Variants in TGFBR3 observed in about 807,000 individuals in gnomAD.
TGFBR3 encodes transforming growth factor beta receptor type 3.
TGFBR3 carries 46 observed loss-of-function variants against 87.9 expected under a neutral mutation model. The observed-to-expected ratio is 0.52, with a 90% CI of 0.41 to 0.67. The LOEUF is 0.67. TGFBR3 is among the 30% of genes least tolerant of loss of function. TGFBR3 has a pLI of 0.00. For missense variants in TGFBR3, 866 were observed against 1,041.9 expected (o/e 0.83, Z 2.32); for synonymous variants, 381 against 391.6 (o/e 0.97, Z 0.32).
At chr1:91,719,081 C>T (rs190120424) in intron 10 of TGFBR3, among the ~76,000 whole-genome samples, 5 of 152,150 alleles carry the variant, frequency 3.3e-5, no homozygotes, top group Admixed American at 6.5e-5. Flanking sequence ...GAGACGGAAA[C>T]GGGGGGTGAG....
chr1:91,712,993 T>C (rs1672036674), intron 12 of TGFBR3, among the ~76,000 whole-genome samples: 1 of 152,216 alleles, frequency 6.6e-6, no homozygotes, highest in Non-Finnish European at 1.5e-5. Flanking sequence ...GCAAAATCTA[T>C]TTAACCTAGG....
chr1:91,684,268 G>T (rs1030981014), intron 16 of TGFBR3, among the ~76,000 whole-genome samples: 2 of 152,228 alleles, frequency 1.3e-5, no homozygotes, highest in Non-Finnish European at 1.5e-5. Context: ...GATTTGGAGG[G>T]TGTGACCTTT....
intron 4 of TGFBR3, among the ~76,000 whole-genome samples, chr1:91,755,241 G>C (rs576294887): frequency 1.3e-5 from 2 of 152,260 alleles, no homozygotes; most frequent in East Asian, 3.9e-4. Context: ...TTGATCACCA[G>C]ACCCTCTGTG....
chr1:91,835,108 C>T (rs1285437417), intron 2 of TGFBR3, among the ~76,000 whole-genome samples: 3 of 152,234 alleles, frequency 2.0e-5, no homozygotes, highest in African/African-American at 7.2e-5. Context: ...GTCTGGCTCA[C>T]AGCCCCATCA....
intron 3 of TGFBR3, among the ~76,000 whole-genome samples, chr1:91,769,433 C>A (rs1344442065): frequency 6.6e-6 from 1 of 152,104 alleles, no homozygotes; most frequent in Non-Finnish European, 1.5e-5. Flanking sequence ...TGGGCACACA[C>A]GGGCCCTGTT....
At chr1:91,769,851 C>T (rs1208750786) in intron 3 of TGFBR3, among the ~76,000 whole-genome samples, 1 of 152,110 alleles carries the variant, frequency 6.6e-6, no homozygotes, top group African/African-American at 2.4e-5. Context: ...ATCACCACAG[C>T]AACCAGACTA....
chr1:91,890,524 A>G (rs1394463864), upstream of TGFBR3, among the ~76,000 whole-genome samples: 4 of 140,936 alleles, frequency 2.8e-5, no homozygotes, highest in Non-Finnish European at 6.0e-5. Flanking sequence ...GGTTCAAGTG[A>G]TTCTTCTGCC....
At chr1:91,855,706 T>A (rs1677914162) in intron 2 of TGFBR3, among the ~76,000 whole-genome samples, 1 of 152,206 alleles carries the variant, frequency 6.6e-6, no homozygotes, top group Non-Finnish European at 1.5e-5. Flanking sequence ...ATAATAGTAA[T>A]GTTATAACAC....
intron 2 of TGFBR3, among the ~76,000 whole-genome samples, chr1:91,838,685 G>T (rs2101108621): frequency 6.6e-6 from 1 of 150,510 alleles, no homozygotes; most frequent in East Asian, 2.0e-4. Flanking sequence ...TAGCCAGGAT[G>T]GTCTTGATCT....
At chr1:91,706,293 A>G (rs1475831350) in intron 14 of TGFBR3, among the ~76,000 whole-genome samples, 2 of 152,186 alleles carry the variant, frequency 1.3e-5, no homozygotes, top group Non-Finnish European at 2.9e-5. Flanking sequence ...CACAAGATAC[A>G]GGTCATAAAG....
chr1:91,807,188 G>A (rs528335974), intron 2 of TGFBR3, among the ~76,000 whole-genome samples: 2 of 152,298 alleles, frequency 1.3e-5, no homozygotes, highest in Non-Finnish European at 2.9e-5. Flanking sequence ...CAAAGAGGGC[G>A]CTTCTACCAC....
At chr1:91,804,408 C>T (rs1675758109) in intron 2 of TGFBR3, among the ~76,000 whole-genome samples, 1 of 152,178 alleles carries the variant, frequency 6.6e-6, no homozygotes, top group African/African-American at 2.4e-5. Context: ...CTCATCCTGC[C>T]ACTTCTGGGT....
chr1:91,839,526 G>A (rs1026394256), intron 2 of TGFBR3, among the ~76,000 whole-genome samples: 12 of 152,106 alleles, frequency 7.9e-5, no homozygotes, highest in East Asian at 7.7e-4. Context: ...CAAGATTAAC[G>A]TCACTAGTAA....
intron 1 of TGFBR3, among the ~76,000 whole-genome samples, chr1:91,871,042 CAAAA>C (rs58335918): frequency 7.7e-6 from 1 of 130,216 alleles, no homozygotes; most frequent in Non-Finnish European, 1.7e-5. Flanking sequence ...GCTCTGTCAC[CAAAA>C]AAAAAAAAAA....
At chr1:91,717,959 T>A (rs1306881682) in intron 10 of TGFBR3, among the ~76,000 whole-genome samples, 1 of 151,996 alleles carries the variant, frequency 6.6e-6, no homozygotes, top group Non-Finnish European at 1.5e-5. Flanking sequence ...TAAAATGCCA[T>A]AATCAAGTAT....
chr1:91,746,933 G>A (rs1046490939), intron 4 of TGFBR3, among the ~76,000 whole-genome samples: 1 of 152,270 alleles, frequency 6.6e-6, no homozygotes, highest in South Asian at 2.1e-4. Context: ...GAAATCAGTA[G>A]TGTAGGGTAG....
At chr1:91,814,378 T>TA (rs1676139958) in intron 2 of TGFBR3, among the ~76,000 whole-genome samples, 1 of 152,192 alleles carries the variant, frequency 6.6e-6, no homozygotes, top group African/African-American at 2.4e-5. Flanking sequence ...CAACCTTTTT[T>TA]AGTAAAAAGT....
chr1:91,710,439 G>T (rs973511144), intron 13 of TGFBR3, among the ~76,000 whole-genome samples: 5 of 151,966 alleles, frequency 3.3e-5, no homozygotes, highest in Middle Eastern at 3.2e-3. Context: ...CTATGATTCC[G>T]CATTTAACTC....
intron 1 of TGFBR3, among the ~76,000 whole-genome samples, chr1:91,879,370 A>AT (rs1678985303): frequency 6.6e-6 from 1 of 152,172 alleles, no homozygotes. Context: ...ATTTCAACAT[A>AT]AAAGAACCAC....
Sources: gnomAD v4.1 joint callset for allele counts (sites outside exome capture counted in the v4.1 genomes callset) on GRCh38, gnomAD v4.1.1 for gene constraint, MANE v1.5 for transcripts, NCBI Gene and HGNC (gene_info 2026-07-23, HGNC 2026-07-21) for gene names.